Variants in CDH13 observed in about 807,000 individuals in gnomAD.
CDH13 encodes the protein cadherin 13, also known as cadherin-13.
In CDH13, 24 loss-of-function variants were observed where a neutral mutation model predicts 63.8. That is an observed-to-expected ratio of 0.38 (90% CI 0.27 to 0.53). The LOEUF is 0.53. Ranked by LOEUF, CDH13 falls within the 20% of genes least tolerant of loss-of-function variation. CDH13 has a pLI of 0.85. For synonymous variants in CDH13, 503 were observed against 355.3 expected (o/e 1.42, Z -4.67); for missense variants, 1,049 against 903.1 (o/e 1.16, Z -2.07).
At chr16:83,213,073 A>G (rs2039385029) in intron 4 of CDH13, among the ~76,000 whole-genome samples, 2 of 152,148 alleles carry the variant, frequency 1.3e-5, no homozygotes, top group South Asian at 4.1e-4. Context: ...ATCCTTAAGA[A>G]CATAAAAAGT....
intron 1 of CDH13, among the ~76,000 whole-genome samples, chr16:82,776,512 A>C (rs567856266): frequency 2.0e-5 from 3 of 152,222 alleles, no homozygotes; most frequent in African/African-American, 7.2e-5. Context: ...GCAGCTGGAC[A>C]TACCGGCAAG....
At chr16:83,261,228 G>T (rs543813315) in intron 5 of CDH13, among the ~76,000 whole-genome samples, 59 of 152,290 alleles carry the variant, frequency 3.9e-4, no homozygotes, top group African/African-American at 1.3e-3. Context: ...ATGGGTTGCT[G>T]AAAACTAAGT....
chr16:83,768,375 C>G (rs1403282142), intron 11 of CDH13, among the ~76,000 whole-genome samples: 2 of 152,118 alleles, frequency 1.3e-5, no homozygotes, highest in Non-Finnish European at 2.9e-5. Flanking sequence ...AACACACACA[C>G]AAATTGTAAT....
At chr16:83,206,061 G>C (rs1166692849) in intron 4 of CDH13, among the ~76,000 whole-genome samples, 1 of 152,118 alleles carries the variant, frequency 6.6e-6, no homozygotes, top group Non-Finnish European at 1.5e-5. Context: ...GGGTGGCCTG[G>C]TGTGCTTTGG....
Position 83,274,604 on chromosome 16 carries a change from G to A in CDH13, c.636+57107G>A, listed in dbSNP as rs969855967. 2.0e-5 allele frequency among the ~76,000 whole-genome samples: 3 copies of A among 152,134 alleles called. No homozygotes were observed. The South Asian group carries it at 6.2e-4, about 32-fold the overall frequency. Reference sequence around the variant, plus strand: ...TTTCCCCCCAGAGAAACCCCCACATGCAGCACAGAGCCTGATGTGTGAAAC... The same window carrying A: ...TTTCCCCCCAGAGAAACCCCCACATACAGCACAGAGCCTGATGTGTGAAAC... On this transcript the variant is annotated intron_variant, in intron 5 of 13. Transcript: ENST00000567109.
intron 3 of CDH13, among the ~76,000 whole-genome samples, chr16:83,051,726 C>G (rs1180451482): frequency 6.6e-6 from 1 of 152,192 alleles, no homozygotes; most frequent in African/African-American, 2.4e-5. Flanking sequence ...AGATCTGAAC[C>G]TCCTGCTACC....
chr16:82,969,035 A>C (rs966763920), intron 2 of CDH13, among the ~76,000 whole-genome samples: 2 of 152,178 alleles, frequency 1.3e-5, no homozygotes, highest in African/African-American at 2.4e-5. Context: ...TGAACCCTGG[A>C]GGCAGAAGTT....
In CDH13 at chr16:82,842,149, TATATATATATATATAC is replaced by T. The variant is rs2039059334; in HGVS notation, c.46-16211_46-16196del. On this transcript the variant is annotated intron_variant, in intron 1 of 13. Transcript: ENST00000567109. ...ATATATATATATATACACATATATA[TATATATATATATATAC>T]ACACACACACATATATATACACATA... Among the ~76,000 whole-genome samples the T allele has an allele frequency of 5.4e-3, 203 of 37,554 alleles. 5 individuals are homozygous for T. Among genetic ancestry groups the T allele is most frequent in the Non-Finnish European group, 9.7e-3 (162 of 16,644 alleles). 24.6% of individuals were successfully genotyped at this position (37,554 alleles called of 152,430 possible).
intron 1 of CDH13, among the ~76,000 whole-genome samples, chr16:82,769,621 G>A (rs1323412731): frequency 6.6e-6 from 1 of 152,184 alleles, no homozygotes; most frequent in Non-Finnish European, 1.5e-5. Context: ...CAGGATGAAT[G>A]CTACTTTTCT....
intron 1 of CDH13, among the ~76,000 whole-genome samples, chr16:82,821,235 T>C (rs1041535935): frequency 1.3e-5 from 2 of 152,232 alleles, no homozygotes; most frequent in Non-Finnish European, 2.9e-5. Context: ...TATAGGACCA[T>C]TGACATGAAA....
At chr16:82,673,570 T>A (rs2150948786) in intron 1 of CDH13, among the ~76,000 whole-genome samples, 1 of 152,284 alleles carries the variant, frequency 6.6e-6, no homozygotes, top group East Asian at 1.9e-4. Context: ...GATAAATAAT[T>A]CTACGAGCCA....
At chr16:82,629,190 T>C (rs1268896486) in intron 1 of CDH13, among the ~76,000 whole-genome samples, 1 of 152,208 alleles carries the variant, frequency 6.6e-6, no homozygotes, top group African/African-American at 2.4e-5. Context: ...TTTTTGCAAA[T>C]GAACTGGTGT....
At chr16:83,485,053 T>A (rs1426300419) in intron 6 of CDH13, among the ~76,000 whole-genome samples, 2 of 152,160 alleles carry the variant, frequency 1.3e-5, no homozygotes, top group Admixed American at 6.5e-5. Flanking sequence ...AATTAATATA[T>A]CTTGAAGAGT....
rs555578848 is a variant in CDH13, at chr16:83,771,805, G to C, written c.1682-8163G>C. Reference sequence around the variant, plus strand: ...AAATAGGCTTTGTTTCCAGATATCTGTGCCTACAAGTCCTCATTTCCTCAT... The same window carrying C: ...AAATAGGCTTTGTTTCCAGATATCTCTGCCTACAAGTCCTCATTTCCTCAT... On this transcript the variant is annotated intron_variant, in intron 11 of 13. Coordinates refer to ENST00000567109, the MANE Select transcript of CDH13 (RefSeq NM_001257.5). 3.3e-4 allele frequency among the ~76,000 whole-genome samples: 51 copies of C among 152,272 alleles called. No individual in the cohort carries two copies. In the Middle Eastern group the frequency reaches 0.014, roughly 41 times the overall value.
chr16:83,369,297 A>G (rs926714657), intron 6 of CDH13, among the ~76,000 whole-genome samples: 2 of 152,072 alleles, frequency 1.3e-5, no homozygotes, highest in Admixed American at 6.5e-5. Context: ...CTCTCCAACA[A>G]ACAAGTCACC....
intron 1 of CDH13, among the ~76,000 whole-genome samples, chr16:82,855,527 C>G (rs1213095780): frequency 6.6e-6 from 1 of 152,110 alleles, no homozygotes; most frequent in African/African-American, 2.4e-5. Flanking sequence ...TTAATGTTGG[C>G]CAGTTATAGA....
chr16:83,462,975 C>A (rs1377217607), intron 6 of CDH13, among the ~76,000 whole-genome samples: 2 of 152,070 alleles, frequency 1.3e-5, no homozygotes, highest in Non-Finnish European at 2.9e-5. Context: ...GTAGCTGAGA[C>A]TGATCACCCA....
At chr16:83,614,008 T>C (rs1036474563) in intron 8 of CDH13, among the ~76,000 whole-genome samples, 2 of 152,218 alleles carry the variant, frequency 1.3e-5, no homozygotes, top group African/African-American at 4.8e-5. Context: ...CATCCATTAA[T>C]AGATACTTCT....
At chr16:82,938,829 A>G (rs1406797709) in intron 2 of CDH13, among the ~76,000 whole-genome samples, 1 of 152,234 alleles carries the variant, frequency 6.6e-6, no homozygotes, top group Non-Finnish European at 1.5e-5. Context: ...CTTCAGAGTT[A>G]TCCATCCTGA....
Sources: allele counts gnomAD v4.1 joint callset (sites outside exome capture counted in the v4.1 genomes callset), GRCh38; gene constraint gnomAD v4.1.1; transcripts MANE v1.5; gene names NCBI Gene and HGNC (gene_info 2026-07-23, HGNC 2026-07-21).